Variants in CAB39 observed in about 807,000 individuals in gnomAD.
CAB39 encodes the protein calcium binding protein 39, also known as calcium-binding protein 39.
Under a neutral mutation model 40.0 loss-of-function variants are expected in CAB39, and 8 were observed. The ratio of observed to expected loss-of-function variants is 0.20; its 90% CI spans 0.12 to 0.36. The LOEUF (loss-of-function observed/expected upper bound fraction) is 0.36, where lower values mean the gene tolerates loss of function less well. Ranked by LOEUF, CAB39 falls within the 10% of genes least tolerant of loss-of-function variation. The pLI is 1.00. For synonymous variants in CAB39, 156 were observed against 141.6 expected (o/e 1.10, Z -0.72); for missense variants, 270 against 401.1 (o/e 0.67, Z 2.79).
chr2:230,761,739 T>C (rs1248879089), intron 2 of CAB39, among the ~76,000 whole-genome samples: 2 of 152,232 alleles, frequency 1.3e-5, no homozygotes, highest in Non-Finnish European at 2.9e-5. Flanking sequence ...TTACCCAGCT[T>C]CCTTGCATTT....
chr2:230,746,701 G>A (rs1363029743), intron 1 of CAB39, among the ~76,000 whole-genome samples: 4 of 152,090 alleles, frequency 2.6e-5, no homozygotes, highest in Non-Finnish European at 1.5e-5. Context: ...TCTTGGTTCT[G>A]GCCTCTGGCT....
At chr2:230,744,474 A>T (rs1694938731) in intron 1 of CAB39, among the ~76,000 whole-genome samples, 1 of 151,762 alleles carries the variant, frequency 6.6e-6, no homozygotes, top group Admixed American at 6.6e-5. Context: ...TTGTATTTTT[A>T]GTAAAGACGG....
chr2:230,765,640 T>C (rs1410111488), intron 2 of CAB39, among the ~76,000 whole-genome samples: 1 of 152,088 alleles, frequency 6.6e-6, no homozygotes, highest in Non-Finnish European at 1.5e-5. Flanking sequence ...TATCATCTGC[T>C]TGACTAAATG....
At chr2:230,797,463 G>C (rs1307410135) in intron 4 of CAB39, among the ~76,000 whole-genome samples, 2 of 150,266 alleles carry the variant, frequency 1.3e-5, no homozygotes, top group Non-Finnish European at 3.0e-5. Flanking sequence ...TGTTAGACCT[G>C]GTTTAGAACT....
At chr2:230,776,851 C>CT in intron 2 of CAB39, among the ~76,000 whole-genome samples, 1 of 152,102 alleles carries the variant, frequency 6.6e-6, no homozygotes, top group Non-Finnish European at 1.5e-5. Flanking sequence ...CCACGCCCGG[C>CT]TAATTTTTTG....
At chr2:230,723,615 A>G (rs1019953349) in intron 1 of CAB39, among the ~76,000 whole-genome samples, 2 of 152,098 alleles carry the variant, frequency 1.3e-5, no homozygotes, top group Non-Finnish European at 2.9e-5. Context: ...CCATGCTGTC[A>G]CCATGGCACC....
At chr2:230,806,140 T>TA (rs1303829106) in intron 5 of CAB39, among the ~76,000 whole-genome samples, 2 of 152,114 alleles carry the variant, frequency 1.3e-5, no homozygotes, top group Non-Finnish European at 2.9e-5. Context: ...GTATAATAAT[T>TA]ACTAGGATGT....
Position 230,818,728 on chromosome 2 carries a change from A to G in CAB39, c.*24A>G, listed in dbSNP as rs1355304918. On this transcript the variant is annotated 3_prime_UTR_variant, in exon 9 of 9. Transcript: ENST00000258418. ...AATCTCCAATAAACATCTATGTTAAATCCAAATTCAGCATTTGCTGTTAGC... is the reference window on the plus strand; with the variant it reads ...AATCTCCAATAAACATCTATGTTAAGTCCAAATTCAGCATTTGCTGTTAGC... 1 of 1,585,900 alleles carries G rather than the reference A, an allele frequency of 6.3e-7. No individual in the cohort carries two copies. The highest frequency in any genetic ancestry group is 8.6e-7 in the Non-Finnish European group (1 of 1,157,266).
chr2:230,727,398 G>GTGTGTGTGTGTGTGTGTT lies in CAB39; in HGVS notation c.-44+14169_-44+14170insGTGTGTGTGTGTGTGTTT, dbSNP rs760656084. Among the ~76,000 whole-genome samples, 266 of 124,638 alleles carry GTGTGTGTGTGTGTGTGTT rather than the reference G, an allele frequency of 2.1e-3. 7 individuals carry two copies. The highest frequency in any genetic ancestry group is 7.0e-3 in the African/African-American group (238 of 34,230). 81.8% of individuals were successfully genotyped at this position (124,638 alleles called of 152,430 possible). A position where few individuals can be genotyped will look rare whatever the true frequency, so the allele number is the denominator to read the frequency against. On this transcript the variant is annotated intron_variant, in intron 1 of 8. Coordinates refer to ENST00000258418, the MANE Select transcript of CAB39 (RefSeq NM_016289.4). ...TGTGTGTGTGTGTGTGTGTGTGTGT[G>GTGTGTGTGTGTGTGTGTT]TATTTTTTTTTCTTTTTCTTTTTTT... is the stretch of plus-strand genomic sequence containing the variant.
Position 230,818,605 on chromosome 2 carries a change from T to C in CAB39, c.927T>C (p.Phe309=), listed in dbSNP as rs898617583. The C allele has an allele frequency of 1.2e-6, 2 of 1,614,176 alleles. No homozygotes were observed. The highest frequency in any genetic ancestry group is 1.7e-6 in the Non-Finnish European group (2 of 1,180,000). ...QAKLIEFLSK[F]QNDRTEDEQF... ...AACTCATAGAGTTCCTCAGCAAGTT[T>C]CAGAACGACAGGACGGAGGATGAGC... Residue 309 remains phenylalanine (F), a synonymous_variant, in exon 9 of 9, where the codon TTT becomes TTC. Transcript: ENST00000258418.
At chr2:230,800,857 TA>T (rs1696077795) in intron 5 of CAB39, among the ~76,000 whole-genome samples, 1 of 152,294 alleles carries the variant, frequency 6.6e-6, no homozygotes, top group African/African-American at 2.4e-5. Flanking sequence ...GCCTGGCTGA[TA>T]ATTTCATTTC....
At chr2:230,743,412 C>G (rs1694918350) in intron 1 of CAB39, among the ~76,000 whole-genome samples, 1 of 152,106 alleles carries the variant, frequency 6.6e-6, no homozygotes, top group African/African-American at 2.4e-5. Context: ...CCTACTGACT[C>G]CAGAAAGAGT....
intron 1 of CAB39, among the ~76,000 whole-genome samples, chr2:230,747,176 G>C (rs1694991651): frequency 6.6e-6 from 1 of 152,152 alleles, no homozygotes; most frequent in Admixed American, 6.6e-5. Flanking sequence ...AGTGAGCTGA[G>C]ATCACATCAC....
At chr2:230,718,682 T>A (rs1694395228) in intron 1 of CAB39, among the ~76,000 whole-genome samples, 1 of 152,106 alleles carries the variant, frequency 6.6e-6, no homozygotes, top group Non-Finnish European at 1.5e-5. Flanking sequence ...TAGACATAAG[T>A]TTTGTGATGC....
intron 1 of CAB39, among the ~76,000 whole-genome samples, chr2:230,745,039 T>A (rs1417812317): frequency 6.6e-6 from 1 of 152,220 alleles, no homozygotes; most frequent in Non-Finnish European, 1.5e-5. Context: ...ATAAAGAAAA[T>A]TTTTAAGGAT....
rs187293950 is a variant in CAB39, at chr2:230,783,030, A to T, written c.115-7842A>T. 1.3e-4 allele frequency among the ~76,000 whole-genome samples: 19 copies of T among 149,008 alleles called. No homozygotes were observed. The East Asian group carries it at 3.7e-3, about 29-fold the overall frequency. The stretch of plus-strand genomic sequence containing the variant: ...TTTTTAGTAGAGACGGGGTTTCACC[A>T]TGTTAGCCAGGATGGTCTCGATCTC... On this transcript the variant is annotated intron_variant, in intron 2 of 8. Coordinates refer to ENST00000258418, the MANE Select transcript of CAB39 (RefSeq NM_016289.4).
At chr2:230,745,061 CTTTT>C (rs1553668691) in intron 1 of CAB39, among the ~76,000 whole-genome samples, 1 of 152,108 alleles carries the variant, frequency 6.6e-6, no homozygotes, top group Non-Finnish European at 1.5e-5. Context: ...AACAGAAAGC[CTTTT>C]TTAAGAGGAA....
chr2:230,764,012 C>A (rs914718579), intron 2 of CAB39, among the ~76,000 whole-genome samples: 1 of 152,010 alleles, frequency 6.6e-6, no homozygotes, highest in African/African-American at 2.4e-5. Context: ...GTCCCAGCTA[C>A]TCAGGAGGCT....
At chr2:230,714,538 A>G (rs1342281881) in intron 1 of CAB39, among the ~76,000 whole-genome samples, 4 of 152,252 alleles carry the variant, frequency 2.6e-5, no homozygotes, top group Admixed American at 2.6e-4. Flanking sequence ...TACAGTGCAT[A>G]AAAACTTCTT....
Sources: gnomAD v4.1 joint callset for allele counts (sites outside exome capture counted in the v4.1 genomes callset) on GRCh38, gnomAD v4.1.1 for gene constraint, MANE v1.5 for transcripts, NCBI Gene and HGNC (gene_info 2026-07-23, HGNC 2026-07-21) for gene names.